MYL10: variants seen among roughly 807,000 people sequenced by gnomAD.
MYL10 encodes myosin regulatory light chain 10.
A neutral mutation model predicts 21.9 loss-of-function variants in MYL10; 18 were observed. The observed-to-expected ratio is 0.82, with a 90% CI of 0.57 to 1.22. The LOEUF (loss-of-function observed/expected upper bound fraction) is 1.22. MYL10 is among the 50% of genes most tolerant of loss of function. The probability of loss-of-function intolerance (pLI) is 0.00; values close to 1 mark genes in which losing one functional copy is unlikely to be tolerated. For synonymous variants in MYL10, 88 were observed against 82.8 expected (o/e 1.06, Z -0.34); for missense variants, 225 against 230.4 (o/e 0.98, Z 0.15).
Position 101,629,286 on chromosome 7 carries a change from G to T in MYL10, c.-168C>A, listed in dbSNP as rs1368048797. The T allele has an allele frequency of 2.4e-5, 6 of 248,674 alleles. No individual in the cohort carries two copies. The highest frequency in any genetic ancestry group is 5.2e-5 in the Admixed American group (1 of 19,336). The allele number at this position is 248,674 out of a possible 1,614,324, so 15.4% of individuals were successfully genotyped here. ...ACCTCTAGGCGGACCATGCAGACAG[G>T]CAGGCTATGGGGCTCCGACCCCACG... On this transcript the variant is annotated 5_prime_UTR_variant, in exon 1 of 8. Coordinates refer to ENST00000223167, the MANE Select transcript of MYL10 (RefSeq NM_138403.5).
In MYL10 at chr7:101,623,012, T is replaced by A. The variant is rs1323714136; in HGVS notation, c.334A>T (p.Thr112Ser). The part of the protein sequence containing the change: ...GFIDKEDLRD[T>S]FAALGRINVK... ...GCTCACCCACCCAGCGCGGCAAAGG[T>A]GTCCCTCAAGTCCTCTTTGTCGATG... The change falls in exon 4 of 8, where the codon ACC becomes TCC. Residue 112 changes from threonine (T) to serine (S), a missense_variant. Coordinates refer to ENST00000223167, the MANE Select transcript of MYL10 (RefSeq NM_138403.5). 1 of 1,613,934 alleles carries A rather than the reference T, an allele frequency of 6.2e-7. No individual in the cohort carries two copies. Among genetic ancestry groups the A allele is most frequent in the Non-Finnish European group, 8.5e-7 (1 of 1,179,974 alleles).
At chr7:101,614,239 G>A (rs1796583252) in intron 6 of MYL10, among the ~76,000 whole-genome samples, 1 of 152,202 alleles carries the variant, frequency 6.6e-6, no homozygotes, top group Non-Finnish European at 1.5e-5. Flanking sequence ...TCTTAAGGGA[G>A]CTCAGTGGGC....
Position 101,629,281 on chromosome 7 carries a change from G to C in MYL10, c.-163C>G. The C allele has an allele frequency of 1.2e-5, 3 of 251,128 alleles. No homozygotes were observed. The highest frequency in any genetic ancestry group is 2.4e-5 in the Non-Finnish European group (3 of 127,110). The allele number at this position is 251,128 out of a possible 1,614,324, so 15.6% of individuals were successfully genotyped here. ...CTCAAACCTCTAGGCGGACCATGCA[G>C]ACAGGCAGGCTATGGGGCTCCGACC... On this transcript the variant is annotated 5_prime_UTR_variant, in exon 1 of 8. Transcript: ENST00000223167.
chr7:101,619,349 C>T (rs766955179), intron 5 of MYL10, among the ~76,000 whole-genome samples: 3 of 152,222 alleles, frequency 2.0e-5, no homozygotes, highest in African/African-American at 4.8e-5. Flanking sequence ...TTCGGCTACA[C>T]AGCCCCAAGT....
In MYL10 at chr7:101,625,929, T is replaced by A. The variant is rs1584542622; in HGVS notation, c.79-1665A>T. 3.6e-5 allele frequency among the ~76,000 whole-genome samples: 5 copies of A among 138,052 alleles called. No individual in the cohort carries two copies. The South Asian group carries it at 1.2e-3, about 32-fold the overall frequency. The allele number at this position is 138,052 out of a possible 152,430, so 90.6% of individuals were successfully genotyped here. ...CCCCCACGCCCCCAGCCTCTCATGA[T>A]CCCCCTGGTTACACCCCCACCCTAC... On this transcript the variant is annotated intron_variant, in intron 1 of 7. Coordinates refer to ENST00000223167, the MANE Select transcript of MYL10 (RefSeq NM_138403.5).
chr7:101,622,702 C>G (rs1159091904), intron 4 of MYL10, among the ~76,000 whole-genome samples: 4 of 152,170 alleles, frequency 2.6e-5, no homozygotes, highest in Non-Finnish European at 5.9e-5. Flanking sequence ...TCAGCTTCTC[C>G]CCTGCTTTCC....
At chr7:101,628,832 C>T (rs1453798976) in intron 1 of MYL10, among the ~76,000 whole-genome samples, 1 of 152,224 alleles carries the variant, frequency 6.6e-6, no homozygotes, top group Non-Finnish European at 1.5e-5. Context: ...CAGCTGATCC[C>T]CTGCCTTTGG....
intron 5 of MYL10, among the ~76,000 whole-genome samples, chr7:101,616,969 A>G (rs1335499281): frequency 6.6e-6 from 1 of 152,206 alleles, no homozygotes; most frequent in Non-Finnish European, 1.5e-5. Flanking sequence ...AGAAGAAATT[A>G]ATCTGATACC....
chr7:101,621,555 TG>T (rs1438853697), intron 5 of MYL10, among the ~76,000 whole-genome samples: 2 of 151,428 alleles, frequency 1.3e-5, no homozygotes. Flanking sequence ...GTGGGATGGG[TG>T]GGCAAAGGGG....
rs1397033898 is a variant in MYL10 at position 101,616,273 on chromosome 7, G to A, written c.480C>T (p.Leu160=). 6.2e-7 allele frequency: 1 copy of A among 1,614,040 alleles called. No homozygotes were observed. The highest frequency in any genetic ancestry group is 1.3e-5 in the African/African-American group (1 of 74,922). Residue 160 remains leucine, a synonymous_variant, in exon 6 of 8, where the codon CTC becomes CTT. Coordinates refer to ENST00000223167, the MANE Select transcript of MYL10 (RefSeq NM_138403.5). ...CAGTGTCGAACACTTTGAAGGCGTG[G>A]AGAATGGTCTCCTCTGGGTCCGTGC... ...LKGTDPEETI[L]HAFKVFDTEG... is the part of the protein sequence containing the mutation.
At chr7:101,625,609 G>A (rs1416945607) in intron 1 of MYL10, among the ~76,000 whole-genome samples, 1 of 152,078 alleles carries the variant, frequency 6.6e-6, no homozygotes, top group Non-Finnish European at 1.5e-5. Flanking sequence ...GTCGTCGAGG[G>A]CAGGGGCAGA....
intron 1 of MYL10, among the ~76,000 whole-genome samples, 187 bp from the exon 2 acceptor site, chr7:101,624,451 CA>C (rs749151827): frequency 6.6e-6 from 1 of 152,322 alleles, no homozygotes. Context: ...CAGCCCATGG[CA>C]AGAAGCCTGC....
rs1310171927 is a variant in MYL10, at chr7:101,613,727, C to G, written c.534-17G>C. On this transcript the variant is annotated splice_polypyrimidine_tract_variant and intron_variant, in intron 6 of 7. Coordinates refer to ENST00000223167, the MANE Select transcript of MYL10 (RefSeq NM_138403.5). ...TCTTTGATGCTGTTCAAGGGAGAGA[C>G]ACAGTCATGTTCAGGGAACGGGATA... 2 of 1,613,838 alleles carry G rather than the reference C, an allele frequency of 1.2e-6. No homozygotes were observed. The highest frequency in any genetic ancestry group is 3.3e-5 in the Admixed American group (2 of 59,992).
rs756997145 is a variant in MYL10 at position 101,626,113 on chromosome 7, A to AG, written c.79-1850dup. ...CCTGAAAGGAACATCTCAGGGAAGAAGGGGGGGTCACCCGGATCTGGGTTC... is the reference window on the plus strand; with the variant it reads ...CCTGAAAGGAACATCTCAGGGAAGAAGGGGGGGGTCACCCGGATCTGGGTTC... On this transcript the variant is annotated intron_variant, in intron 1 of 7. Transcript: ENST00000223167. 1.2e-4 allele frequency among the ~76,000 whole-genome samples: 19 copies of AG among 152,320 alleles called. No homozygotes were observed. The South Asian group carries it at 1.9e-3, about 15-fold the overall frequency.
rs1211873842 is a variant in MYL10, at chr7:101,613,547, G to A, written c.609C>T (p.Pro203=). The change falls in exon 8 of 8, where the codon CCC becomes CCT. Residue 203 remains proline, a synonymous_variant. Coordinates refer to ENST00000223167, the MANE Select transcript of MYL10 (RefSeq NM_138403.5). ...EEVKQMFAAF[P]PDVCGNLDYR... is the part of the protein sequence containing the mutation. ...AGTCCAGGTTGCCGCACACATCTGG[G>A]GGAAATGCTGCAAACATCTGCTTGA... is the stretch of plus-strand genomic sequence containing the variant. 1.2e-6 allele frequency: 2 copies of A among 1,614,008 alleles called. No individual in the cohort carries two copies. Among genetic ancestry groups the A allele is most frequent in the Non-Finnish European group, 1.7e-6 (2 of 1,180,032 alleles).
intron 5 of MYL10, among the ~76,000 whole-genome samples, chr7:101,617,911 C>A (rs2130737066): frequency 6.8e-6 from 1 of 147,780 alleles, no homozygotes; most frequent in East Asian, 2.3e-4. Context: ...TGCTTCCCCC[C>A]TCAGATTAGA....
chr7:101,628,191 C>T (rs889320560), intron 1 of MYL10, among the ~76,000 whole-genome samples: 1 of 152,200 alleles, frequency 6.6e-6, no homozygotes, highest in Non-Finnish European at 1.5e-5. Context: ...CAGTGGCTCA[C>T]GCCTGTAATC....
intron 6 of MYL10, among the ~76,000 whole-genome samples, chr7:101,614,983 G>A (rs1337913382): frequency 2.6e-5 from 4 of 152,152 alleles, no homozygotes; most frequent in African/African-American, 9.7e-5. Flanking sequence ...CAGCTCAGAG[G>A]TCAGCCCTGA....
In MYL10 at chr7:101,613,390, C is replaced by T; in HGVS notation, c.*85G>A. On this transcript the variant is annotated 3_prime_UTR_variant, in exon 8 of 8. Transcript: ENST00000223167. The stretch of plus-strand genomic sequence containing the variant: ...ACCGTAGGACAAGGGAAGCCTTTTT[C>T]CTGCAGCCTCTGGCTGCAAGAGCTC... The T allele has an allele frequency of 8.6e-7, 1 of 1,160,978 alleles. No individual in the cohort carries two copies. The allele number at this position is 1,160,978 out of a possible 1,614,324, so 71.9% of individuals were successfully genotyped here. A position where few individuals can be genotyped will look rare whatever the true frequency, so the allele number is the denominator to read the frequency against.
Sources: allele counts gnomAD v4.1 joint callset (sites outside exome capture counted in the v4.1 genomes callset), GRCh38; gene constraint gnomAD v4.1.1; transcripts MANE v1.5; gene names NCBI Gene and HGNC (gene_info 2026-07-23, HGNC 2026-07-21).